ORC1: variants seen among roughly 807,000 people sequenced by gnomAD.
ORC1 encodes the protein origin recognition complex, subunit 1 homolog.
A neutral mutation model predicts 98.9 loss-of-function variants in ORC1; 61 were observed. The observed-to-expected ratio is 0.62, with a 90% CI of 0.50 to 0.76. ORC1 has a LOEUF of 0.76. ORC1 is among the 30% of genes least tolerant of loss of function. The pLI is 0.00. For synonymous variants in ORC1, 385 were observed against 406.9 expected (o/e 0.95, Z 0.65); for missense variants, 979 against 1,072.2 (o/e 0.91, Z 1.21).
At chr1:52,379,490 G>C (rs1477847290) in intron 14 of ORC1, among the ~76,000 whole-genome samples, 1 of 151,674 alleles carries the variant, frequency 6.6e-6, no homozygotes, top group Non-Finnish European at 1.5e-5. Flanking sequence ...TGATCCACCT[G>C]CCTCAGCCTC....
At position 52,377,268 on chromosome 1, in the gene ORC1, C is replaced by T. The variant is rs145322432; in HGVS notation, c.2134-1669G>A. ...ACAGGTGTGACCCACTGCGCCCAGCCGACTTTTTGTTGGTTTTTTTGTTTG... is the reference window on the plus strand; with the variant it reads ...ACAGGTGTGACCCACTGCGCCCAGCTGACTTTTTGTTGGTTTTTTTGTTTG... On this transcript the variant is annotated intron_variant, in intron 14 of 16. Coordinates refer to ENST00000371568, the MANE Select transcript of ORC1 (RefSeq NM_004153.4). 2.2e-4 allele frequency among the ~76,000 whole-genome samples: 34 copies of T among 151,448 alleles called. No homozygotes were observed. The East Asian group carries it at 5.3e-3, about 23-fold the overall frequency.
intron 1 of ORC1, among the ~76,000 whole-genome samples, chr1:52,403,712 A>G (rs1647843879): frequency 6.6e-6 from 1 of 152,158 alleles, no homozygotes; most frequent in South Asian, 2.1e-4. Flanking sequence ...TTCTCTTCTG[A>G]AAAGAAGGTG....
In ORC1 at chr1:52,396,117, G is replaced by C; in HGVS notation, c.650C>G (p.Ser217Cys). 6.2e-7 allele frequency: 1 copy of C among 1,614,200 alleles called. No individual in the cohort carries two copies. The highest frequency in any genetic ancestry group is 2.2e-5 in the East Asian group (1 of 44,884). Residue 217 changes from serine (S) to cysteine (C), a missense_variant, in exon 5 of 17, where the codon TCC becomes TGC. Transcript: ENST00000371568. ...HVAKRIESRH[S>C]ASKSRQTPTH... ...AGGAGTTTGGCGAGATTTGGAGGCGGAGTGCCTTGATTCAATCCTTTTGGC... is the reference window on the plus strand; with the variant it reads ...AGGAGTTTGGCGAGATTTGGAGGCGCAGTGCCTTGATTCAATCCTTTTGGC...
chr1:52,397,913 T>C (rs1429827457), intron 3 of ORC1, 50 bp from the exon 4 acceptor site: 2 of 1,514,030 alleles, frequency 1.3e-6, no homozygotes, highest in Middle Eastern at 1.7e-4. Flanking sequence ...TCAAGGACAC[T>C]TTACTGAGCA....
At chr1:52,390,352 G>A (rs745948976) in intron 6 of ORC1, among the ~76,000 whole-genome samples, 6 of 152,230 alleles carry the variant, frequency 3.9e-5, no homozygotes, top group South Asian at 2.1e-4. Context: ...AAATAGGCAC[G>A]TAGACCAATG....
intron 15 of ORC1, 37 bp from the exon 16 acceptor site, chr1:52,374,934 G>A (rs754162501): frequency 3.0e-6 from 4 of 1,314,022 alleles, no homozygotes; most frequent in Non-Finnish European, 3.3e-6. Flanking sequence ...TTTTGTCAGT[G>A]GCTGTAACCC....
intron 13 of ORC1, 102 bp from the exon 14 acceptor site, chr1:52,381,863 T>C (rs1438075427): frequency 2.5e-6 from 3 of 1,181,220 alleles, no homozygotes; most frequent in Non-Finnish European, 2.5e-6. Flanking sequence ...CCAGGTCCCA[T>C]ATAACAAATT....
intron 4 of ORC1, 119 bp downstream of exon 4, chr1:52,397,566 C>G (rs1054322134): frequency 1.1e-6 from 1 of 924,822 alleles, no homozygotes; most frequent in Admixed American, 1.9e-5. Context: ...CAGAAGATGA[C>G]AGGAAATAAT....
At position 52,381,625 on chromosome 1, in the gene ORC1, T is replaced by C. The variant is rs1255206844; in HGVS notation, c.2133+17A>G. On this transcript the variant is annotated intron_variant, in intron 14 of 16. Transcript: ENST00000371568. ...AAAGATGTGCTGACTGATTTATGGGTGCAGCTGGTGACTTACCTTCCTGGC... is the reference window on the plus strand; with the variant it reads ...AAAGATGTGCTGACTGATTTATGGGCGCAGCTGGTGACTTACCTTCCTGGC... 1 of 1,611,424 alleles carries C rather than the reference T, an allele frequency of 6.2e-7. No individual in the cohort carries two copies. Among genetic ancestry groups the C allele is most frequent in the Non-Finnish European group, 8.5e-7 (1 of 1,179,290 alleles).
intron 9 of ORC1, 49 bp downstream of exon 9, chr1:52,385,803 A>C (rs370003211): frequency 2.8e-5 from 34 of 1,223,132 alleles, no homozygotes; most frequent in Non-Finnish European, 3.8e-5. Flanking sequence ...ATGAAAGCAG[A>C]GGCCCCATGG....
At chr1:52,388,912 AT>A (rs1647177332) in intron 7 of ORC1, among the ~76,000 whole-genome samples, 1 of 152,178 alleles carries the variant, frequency 6.6e-6, no homozygotes. Flanking sequence ...CAGATGGTAA[AT>A]GACAAAGCCC....
At chr1:52,374,766 G>GT (rs757736867) in intron 16 of ORC1, 44 bp downstream of exon 16, 27 of 1,343,792 alleles carry the variant, frequency 2.0e-5, no homozygotes, top group East Asian at 4.6e-5. Flanking sequence ...TTTTAAAAGC[G>GT]TAAGTCCAAA....
At chr1:52,403,855 A>G (rs1647853863) in intron 1 of ORC1, among the ~76,000 whole-genome samples, 1 of 152,188 alleles carries the variant, frequency 6.6e-6, no homozygotes, top group Admixed American at 6.5e-5. Flanking sequence ...AAAATGGGGT[A>G]ATAACCTCTG....
chr1:52,406,518 C>T (rs540957602), upstream of ORC1, among the ~76,000 whole-genome samples: 2 of 151,060 alleles, frequency 1.3e-5, no homozygotes, highest in Admixed American at 6.5e-5. Flanking sequence ...TTCTGTTGCC[C>T]ATTAACTATG....
At chr1:52,395,417 G>A (rs895052824) in intron 5 of ORC1, among the ~76,000 whole-genome samples, 2 of 152,174 alleles carry the variant, frequency 1.3e-5, no homozygotes, top group African/African-American at 4.8e-5. Flanking sequence ...GAAAGGAGTA[G>A]TGCTTTTCTG....
Position 52,402,086 on chromosome 1 carries a change from AGAAGCTGTATTTCCAGGACAACCAAAG to A in ORC1, c.95+16_95+42del, listed in dbSNP as rs1557587615. The A allele has an allele frequency of 7.2e-7, 1 of 1,392,442 alleles. No individual in the cohort carries two copies. Among genetic ancestry groups the A allele is most frequent in the South Asian group, 1.2e-5 (1 of 86,270 alleles). 86.3% of individuals were successfully genotyped at this position (1,392,442 alleles called of 1,614,324 possible). On this transcript the variant is annotated intron_variant, in intron 2 of 16. Coordinates refer to ENST00000371568, the MANE Select transcript of ORC1 (RefSeq NM_004153.4). ...AGATACAAGTTGACTGTTTAGCTTG[AGAAGCTGTATTTCCAGGACAACCAAAG>A]GACCCCATCACTCACCTATAGGTTT...
At position 52,397,704 on chromosome 1, in the gene ORC1, G is replaced by T. The variant is rs773878425; in HGVS notation, c.383C>A (p.Thr128Asn). The T allele has an allele frequency of 3.7e-6, 6 of 1,614,146 alleles. No homozygotes were observed. The highest frequency in any genetic ancestry group is 2.2e-5 in the East Asian group (1 of 44,886). Residue 128 changes from threonine to asparagine, a missense_variant, in exon 4 of 17, where the codon ACC (threonine) becomes AAC (asparagine). Physicochemically the swap from Thr to Asn is moderately conservative, Grantham distance 65. Transcript: ENST00000371568. ...ACCTACCCGAACAAGGCCAATGATG[G>T]TCTCCGCATTAATGTTGCTGTCACA... Reference protein sequence around the residue: ...PACDSNINAETIIGLVRVIPL... With the variant: ...PACDSNINAENIIGLVRVIPL...
chr1:52,408,673 G>T, upstream of ORC1: 1 of 1,614,164 alleles, frequency 6.2e-7, no homozygotes, highest in Non-Finnish European at 8.5e-7. Flanking sequence ...AAAATCAAGA[G>T]CCAGAACCGA....
chr1:52,388,470 T>A lies in ORC1; in HGVS notation c.1355A>T (p.His452Leu), dbSNP rs778296863. 17 of 1,614,104 alleles carry A rather than the reference T, an allele frequency of 1.1e-5. No homozygotes were observed. The highest frequency in any genetic ancestry group is 1.4e-5 in the Non-Finnish European group (17 of 1,179,988). ...NLRSSLKSSLHTLTKVPKKSL... is the reference protein window; with the variant it reads ...NLRSSLKSSLLTLTKVPKKSL... ...CTTCTTTGGCACCTTCGTGAGGGTA[T>A]GTAAGGATGACTTCAAGGAAGATCG... is the stretch of plus-strand genomic sequence containing the variant. The change falls in exon 8 of 17, where the codon CAT (histidine) becomes CTT (leucine). Residue 452 changes from histidine to leucine, a missense_variant. Physicochemically the swap from His to Leu is moderately conservative, Grantham distance 99. Coordinates refer to ENST00000371568, the MANE Select transcript of ORC1 (RefSeq NM_004153.4).
Sources: gnomAD v4.1 joint callset for allele counts (sites outside exome capture counted in the v4.1 genomes callset) on GRCh38, gnomAD v4.1.1 for gene constraint, MANE v1.5 for transcripts, NCBI Gene and HGNC (gene_info 2026-07-23, HGNC 2026-07-21) for gene names.